TAF1D: variants seen among roughly 807,000 people sequenced by gnomAD.
TAF1D encodes TATA box-binding protein-associated factor RNA polymerase I subunit D.
Under a neutral mutation model 26.2 loss-of-function variants are expected in TAF1D, and 23 were observed. The observed-to-expected ratio is 0.88, with a 90% CI of 0.63 to 1.25. The LOEUF (loss-of-function observed/expected upper bound fraction) is 1.25. Among genes scored for constraint, TAF1D ranks in the 50% most tolerant of loss-of-function variants. TAF1D has a pLI of 0.00. For synonymous variants in TAF1D, 100 were observed against 105.6 expected (o/e 0.95, Z 0.33); for missense variants, 299 against 322.0 (o/e 0.93, Z 0.55).
chr11:93,735,974 T>G lies in TAF1D; in HGVS notation c.*187A>C. ...GGTGTTTTAATGGTTTTTTTTCTAA[T>G]TATTACTACTTCACAAGTTTCTTTC... On this transcript the variant is annotated 3_prime_UTR_variant, in exon 6 of 6. Coordinates refer to ENST00000448108, the MANE Select transcript of TAF1D (RefSeq NM_024116.4). 7.4e-7 allele frequency: 1 copy of G among 1,359,378 alleles called. No individual in the cohort carries two copies. Among genetic ancestry groups the G allele is most frequent in the East Asian group, 3.0e-5 (1 of 33,722 alleles). 84.2% of individuals were successfully genotyped at this position (1,359,378 alleles called of 1,614,324 possible). A position where few individuals can be genotyped will look rare whatever the true frequency, so the allele number is the denominator to read the frequency against.
chr11:93,735,209 A>G (rs753257917), downstream of TAF1D: 2 of 1,351,898 alleles, frequency 1.5e-6, no homozygotes, highest in Non-Finnish European at 9.8e-7. Context: ...GTCTTTGTCC[A>G]CGTTAAACAA....
downstream of TAF1D, chr11:93,734,094 G>C (rs944076825): frequency 6.5e-6 from 1 of 152,892 alleles, no homozygotes; most frequent in Non-Finnish European, 1.5e-5. Context: ...CTTCAGTATT[G>C]CAACAGAGGA....
At chr11:93,737,637 C>G (rs1439457541) in intron 3 of TAF1D, among the ~76,000 whole-genome samples, 1 of 152,162 alleles carries the variant, frequency 6.6e-6, no homozygotes, top group East Asian at 1.9e-4. Flanking sequence ...TGAATTCATT[C>G]AACATACAAC....
At chr11:93,734,655 A>T (rs934739652), downstream of TAF1D, 30 of 1,093,206 alleles carry the variant, frequency 2.7e-5, no homozygotes, top group Admixed American at 6.7e-4. Context: ...TTCTCAAGAT[A>T]AAAGCCTTTA....
rs1565243819 is a variant in TAF1D, at chr11:93,738,273, ACCT to A, written c.292_294del (p.Arg98del). The A allele has an allele frequency of 3.1e-6, 5 of 1,611,108 alleles. No homozygotes were observed. In the South Asian group the frequency reaches 3.3e-5, roughly 11 times the overall value. On this transcript the variant is annotated inframe_deletion, in exon 3 of 6. Transcript: ENST00000448108. Reference sequence around the variant, plus strand: ...CCCCGTGGTCTTCCTGTTGGCTGGTACCTCCTCTTTTTCTTTTTTTTATATCTC... The same window carrying A: ...CCCCGTGGTCTTCCTGTTGGCTGGTACCTCTTTTTCTTTTTTTTATATCTC...
downstream of TAF1D, chr11:93,732,184 T>C (rs990885986): frequency 4.0e-6 from 2 of 504,942 alleles, no homozygotes; most frequent in East Asian, 1.1e-4. Context: ...GTTCTTGTTA[T>C]GCTGGCAGTG....
intron 3 of TAF1D, 22 bp from the exon 4 acceptor site, chr11:93,737,261 A>T (rs773435868): frequency 6.5e-7 from 1 of 1,532,316 alleles, no homozygotes; most frequent in Non-Finnish European, 8.8e-7. Context: ...AAACACCATA[A>T]GTATGTCGAG....
downstream of TAF1D, chr11:93,735,146 A>C: frequency 1.5e-6 from 2 of 1,351,364 alleles, no homozygotes; most frequent in Non-Finnish European, 2.0e-6. Flanking sequence ...ACTCATACTG[A>C]ACAATGAGTT....
At chr11:93,733,987 A>C (rs1263317527), downstream of TAF1D, 1 of 152,458 alleles carries the variant, frequency 6.6e-6, no homozygotes, top group Non-Finnish European at 1.5e-5. Context: ...CAGAGGAATG[A>C]TAAATAAAAA....
chr11:93,734,969 G>C, downstream of TAF1D: 1 of 1,095,870 alleles, frequency 9.1e-7, no homozygotes, highest in Non-Finnish European at 1.2e-6. Context: ...TTACTTTCTT[G>C]CCTAGGCTGG....
downstream of TAF1D, chr11:93,734,594 A>G (rs978774569): frequency 5.4e-6 from 3 of 552,380 alleles, no homozygotes; most frequent in African/African-American, 1.9e-5. Flanking sequence ...ACATAAACAA[A>G]TATGATGTGA....
At chr11:93,730,466 G>C (rs890679098) in exon 12 of TAF1D, 2 of 746,294 alleles carry the variant, frequency 2.7e-6, no homozygotes, top group South Asian at 2.8e-5. Context: ...GAGAAATTTT[G>C]ATTAACCTTT....
At chr11:93,735,355 T>C, downstream of TAF1D, 1 of 1,084,152 alleles carries the variant, frequency 9.2e-7, no homozygotes, top group Non-Finnish European at 1.2e-6. Flanking sequence ...TGTATGCCTT[T>C]TCTTGAACTA....
chr11:93,735,150 A>G (rs747312299), downstream of TAF1D: 3 of 1,351,356 alleles, frequency 2.2e-6, no homozygotes, highest in African/African-American at 1.5e-5. Flanking sequence ...ATACTGAACA[A>G]TGAGTTCTGG....
chr11:93,730,650 C>T (rs1204148176), downstream of TAF1D: 2 of 537,702 alleles, frequency 3.7e-6, no homozygotes, highest in Non-Finnish European at 7.3e-6. Context: ...ATGACCCATA[C>T]AAATGTCTTT....
At chr11:93,733,716 G>GATCCT (rs1161226645), downstream of TAF1D, 1 of 413,482 alleles carries the variant, frequency 2.4e-6, no homozygotes, top group South Asian at 1.9e-5. Context: ...AGTGAGATGT[G>GATCCT]GCAGGATCAC....
downstream of TAF1D, chr11:93,732,676 A>C (rs1448818738): frequency 7.0e-6 from 2 of 285,910 alleles, no homozygotes; most frequent in Non-Finnish European, 1.4e-5. Context: ...GTCTTTGCCT[A>C]ATCTTTGCCC....
chr11:93,733,802 G>A (rs1378249929), downstream of TAF1D: 2 of 226,810 alleles, frequency 8.8e-6, no homozygotes, highest in East Asian at 1.1e-4. Context: ...GGGACCACAG[G>A]CACCACTGTG....
rs761554639 is a variant in TAF1D, at chr11:93,738,147, C to T, written c.421G>A (p.Glu141Lys). The T allele has an allele frequency of 2.3e-5, 36 of 1,563,832 alleles. No homozygotes were observed. Among genetic ancestry groups the T allele is most frequent in the Non-Finnish European group, 2.7e-5 (32 of 1,164,670 alleles). Reference protein sequence around the residue: ...SGFPFLESENEKNAPWRKILT... With the variant: ...SGFPFLESENKKNAPWRKILT... ...ATTTTTCTCCAAGGTGCGTTTTTTT[C>T]ATTCTCTGATTCTAAAAATGGGAAG... is the stretch of plus-strand genomic sequence containing the variant. Residue 141 changes from glutamate to lysine, a missense_variant, in exon 3 of 6, where the codon GAA becomes AAA. Physicochemically the swap from Glu to Lys is moderately conservative, Grantham distance 56. Coordinates refer to ENST00000448108, the MANE Select transcript of TAF1D (RefSeq NM_024116.4).
Sources: gnomAD v4.1 joint callset for allele counts (sites outside exome capture counted in the v4.1 genomes callset) on GRCh38, gnomAD v4.1.1 for gene constraint, MANE v1.5 for transcripts, NCBI Gene and HGNC (gene_info 2026-07-23, HGNC 2026-07-21) for gene names.